TNFAIP8: variants seen among roughly 807,000 people sequenced by gnomAD.
The protein encoded by TNFAIP8 is TNF alpha induced protein 8.
Under a neutral mutation model 13.3 loss-of-function variants are expected in TNFAIP8, and 7 were observed. That is an observed-to-expected ratio of 0.52 (90% CI 0.30 to 0.99). The LOEUF is 0.99. Among genes scored for constraint, TNFAIP8 ranks in the 50% least tolerant of loss-of-function variants. The pLI, the probability that TNFAIP8 is intolerant of heterozygous loss-of-function variation, is 0.07. For missense variants in TNFAIP8, 258 were observed against 236.9 expected (o/e 1.09, Z -0.58); for synonymous variants, 94 against 87.6 (o/e 1.07, Z -0.41).
At chr5:119,353,230 C>T (rs1051430556), upstream of TNFAIP8, among the ~76,000 whole-genome samples, 6 of 152,184 alleles carry the variant, frequency 3.9e-5, no homozygotes, top group Non-Finnish European at 8.8e-5. Flanking sequence ...GATAACAAAT[C>T]ATTATGATGT....
intron 1 of TNFAIP8, among the ~76,000 whole-genome samples, chr5:119,304,615 G>A (rs1416711937): frequency 6.6e-6 from 1 of 152,200 alleles, no homozygotes; most frequent in Non-Finnish European, 1.5e-5. Flanking sequence ...CTCTCTGGTT[G>A]GGAATGTTGT....
At chr5:119,352,121 A>C (rs958957768), upstream of TNFAIP8, among the ~76,000 whole-genome samples, 4 of 152,144 alleles carry the variant, frequency 2.6e-5, no homozygotes, top group Non-Finnish European at 4.4e-5. Context: ...AAGAGAGCCA[A>C]ATAACCTGGG....
In TNFAIP8 at chr5:119,391,359, A is replaced by T. The variant is rs1033762677; in HGVS notation, c.32-1457A>T. 5 of 702,032 alleles carry T rather than the reference A, an allele frequency of 7.1e-6. No homozygotes were observed. The East Asian group carries it at 1.3e-4, about 19-fold the overall frequency. 43.5% of individuals were successfully genotyped at this position (702,032 alleles called of 1,614,324 possible). ...CATTACCAAATGACTGCTTTCTGAT[A>T]CCCAGGCCTAGGCTTAAACACTGGC... On this transcript the variant is annotated intron_variant, in intron 1 of 1. Transcript: ENST00000504771.
chr5:119,351,533 T>TG (rs1396724293), upstream of TNFAIP8, among the ~76,000 whole-genome samples: 2 of 152,122 alleles, frequency 1.3e-5, no homozygotes, highest in Non-Finnish European at 2.9e-5. Context: ...ACATTTTAGG[T>TG]GGGCTAGGCT....
rs140334535 is a variant in TNFAIP8, at chr5:119,276,101, T to C, written c.1+7194T>C. Among the ~76,000 whole-genome samples, 817 of 151,626 alleles carry C rather than the reference T, an allele frequency of 5.4e-3. 3 individuals are homozygous for C. The highest frequency in any genetic ancestry group is 6.8e-3 in the Middle Eastern group (2 of 292). ...TGAATTTTACGCTTTAATCAGTCTTTCGTTAAGTTCTGTTTTTTTTTTTTT... is the reference window on the plus strand; with the variant it reads ...TGAATTTTACGCTTTAATCAGTCTTCCGTTAAGTTCTGTTTTTTTTTTTTT... On this transcript the variant is annotated intron_variant, in intron 1 of 1. Transcript: ENST00000274456.
At chr5:119,338,165 G>GACAC (rs367789572) in intron 1 of TNFAIP8, among the ~76,000 whole-genome samples, 34,456 of 124,830 alleles carry the variant, frequency 0.28, 5,140 homozygotes, top group Middle Eastern at 0.43. Flanking sequence ...CTGGAACTTT[G>GACAC]ACACACACAC....
At chr5:119,384,407 C>G (rs983004981) in intron 1 of TNFAIP8, among the ~76,000 whole-genome samples, 11 of 152,082 alleles carry the variant, frequency 7.2e-5, no homozygotes, top group African/African-American at 2.7e-4. Context: ...TGCTTGAAGC[C>G]GGGGGGTGGA....
At chr5:119,317,652 G>T (rs762052128) in intron 1 of TNFAIP8, among the ~76,000 whole-genome samples, 17 of 151,346 alleles carry the variant, frequency 1.1e-4, no homozygotes, top group Admixed American at 2.0e-4. Flanking sequence ...AGGCTGGAGT[G>T]CAGTGGCGCG....
chr5:119,397,990 G>T lies in TNFAIP8; in HGVS notation c.*4609G>T, dbSNP rs1188245115. 6.6e-6 allele frequency: 1 copy of T among 152,210 alleles called. No homozygotes were observed. The allele number at this position is 152,210 out of a possible 1,614,324, so 9.4% of individuals were successfully genotyped here. On this transcript the variant is annotated 3_prime_UTR_variant, in exon 2 of 2. Coordinates refer to ENST00000504771, the MANE Select transcript of TNFAIP8 (RefSeq NM_014350.4). ...AAGCGAGTCCCAAATCGTACCATCTGCTGAGCACTGAGAAAGGATATGGAC... is the reference window on the plus strand; with the variant it reads ...AAGCGAGTCCCAAATCGTACCATCTTCTGAGCACTGAGAAAGGATATGGAC...
Position 119,321,087 on chromosome 5 carries a change from G to A in TNFAIP8, c.1+52180G>A, listed in dbSNP as rs368529113. Among the ~76,000 whole-genome samples the A allele has an allele frequency of 1.4e-4, 21 of 152,152 alleles. No homozygotes were observed. The East Asian group carries it at 4.1e-3, about 30-fold the overall frequency. ...AAAAAACTAGGCGGGCGTGGTGGCCGGTGCCTGTAGTCCCAGCTACTCAGG... is the reference window on the plus strand; with the variant it reads ...AAAAAACTAGGCGGGCGTGGTGGCCAGTGCCTGTAGTCCCAGCTACTCAGG... On this transcript the variant is annotated intron_variant, in intron 1 of 1. Transcript: ENST00000274456.
rs561587198 is a variant in TNFAIP8, at chr5:119,322,671, GTCT to G, written c.1+53769_1+53771del. ...CCCGTTTTCTCTGTGCCCCTCCTTG[GTCT>G]TCTTTGCAGGCTTCTTCCTCTTTGT... is the stretch of plus-strand genomic sequence containing the variant. On this transcript the variant is annotated intron_variant, in intron 1 of 1. Coordinates refer to the TNFAIP8 transcript ENST00000274456. Among the ~76,000 whole-genome samples, 536 of 152,160 alleles carry G rather than the reference GTCT, an allele frequency of 3.5e-3. 2 individuals are homozygous for G. The highest frequency in any genetic ancestry group is 0.012 in the African/African-American group (496 of 41,484).
chr5:119,268,985 G>A, intron 1 of TNFAIP8: 1 of 637,716 alleles, frequency 1.6e-6, no homozygotes, highest in Non-Finnish European at 2.8e-6. Context: ...GGCTGCTCTC[G>A]GGGAGCGCCT....
chr5:119,360,568 G>C (rs909761312), intron 1 of TNFAIP8, among the ~76,000 whole-genome samples: 2 of 152,176 alleles, frequency 1.3e-5, no homozygotes, highest in African/African-American at 4.8e-5. Context: ...AGCTAAAAGC[G>C]ACTTTGCCAA....
intron 1 of TNFAIP8, among the ~76,000 whole-genome samples, chr5:119,370,175 A>G (rs918761078): frequency 6.6e-6 from 1 of 152,184 alleles, no homozygotes; most frequent in African/African-American, 2.4e-5. Flanking sequence ...GGAATTTAAC[A>G]TCTTTGGAGT....
intron 1 of TNFAIP8, among the ~76,000 whole-genome samples, chr5:119,277,904 CA>C (rs1474847861): frequency 6.6e-6 from 1 of 152,036 alleles, no homozygotes; most frequent in Non-Finnish European, 1.5e-5. Flanking sequence ...GTACACCTTT[CA>C]ACATCTTTTG....
chr5:119,268,905 C>T (rs939540544), exon 1 of TNFAIP8: 4 of 701,082 alleles, frequency 5.7e-6, no homozygotes, highest in African/African-American at 1.8e-5. Context: ...GCCACTCCTC[C>T]GAGTAAGTGG....
At chr5:119,327,430 T>C (rs1343726229) in intron 1 of TNFAIP8, among the ~76,000 whole-genome samples, 2 of 152,168 alleles carry the variant, frequency 1.3e-5, no homozygotes, top group Non-Finnish European at 2.9e-5. Flanking sequence ...GCTCTCTAAA[T>C]TGGAAAAGGT....
chr5:119,381,195 C>A (rs1029436929), intron 1 of TNFAIP8, among the ~76,000 whole-genome samples: 2 of 152,200 alleles, frequency 1.3e-5, no homozygotes, highest in African/African-American at 4.8e-5. Context: ...AAGAATTCTT[C>A]CTCAGATACC....
chr5:119,389,075 G>A (rs1388079093), intron 1 of TNFAIP8, among the ~76,000 whole-genome samples: 1 of 152,156 alleles, frequency 6.6e-6, no homozygotes, highest in Non-Finnish European at 1.5e-5. Flanking sequence ...GAGGAAGGTG[G>A]AATGGAAAGA....
Sources: gnomAD v4.1 joint callset for allele counts (sites outside exome capture counted in the v4.1 genomes callset) on GRCh38, gnomAD v4.1.1 for gene constraint, MANE v1.5 for transcripts, NCBI Gene and HGNC (gene_info 2026-07-23, HGNC 2026-07-21) for gene names.